Variants in SMIM23 observed in about 807,000 individuals in gnomAD.
The protein encoded by SMIM23 is CTB-78H18.1.
In SMIM23, 10 loss-of-function variants were observed where a neutral mutation model predicts 12.8. The ratio of observed to expected loss-of-function variants is 0.78; its 90% CI spans 0.48 to 1.32. The LOEUF (loss-of-function observed/expected upper bound fraction) is 1.32. Among genes scored for constraint, SMIM23 ranks in the 40% most tolerant of loss-of-function variants. SMIM23 has a pLI of 0.00. For synonymous variants in SMIM23, 78 were observed against 80.1 expected, an observed-to-expected ratio of 0.97 and a Z score of 0.14; for missense variants, 184 against 198.2, an observed-to-expected ratio of 0.93 and a Z score of 0.43.
At chr5:171,781,539 C>A (rs941629035), upstream of SMIM23, among the ~76,000 whole-genome samples, 144 of 72,736 alleles carry the variant, frequency 2.0e-3, 4 homozygotes, top group African/African-American at 6.8e-3. Flanking sequence ...TGAGAAGTGC[C>A]CCCCCCCGTC....
At chr5:171,774,493 T>G in the SMIM23 span, 1 of 456,266 alleles carries the variant, frequency 2.2e-6, no homozygotes, top group Admixed American at 2.3e-5. Context: ...GCACCTCGGA[T>G]GGCCGAGGGG....
chr5:171,778,687 TC>T (rs1581069234), upstream of SMIM23, among the ~76,000 whole-genome samples: 1 of 152,208 alleles, frequency 6.6e-6, no homozygotes, highest in Non-Finnish European at 1.5e-5. Context: ...ACTTATGGTT[TC>T]CAGAACTACA....
chr5:171,784,174 G>A (rs539685121), upstream of SMIM23, among the ~76,000 whole-genome samples: 122 of 152,284 alleles, frequency 8.0e-4, 2 homozygotes, highest in African/African-American at 2.8e-3. Context: ...ACCACAATGA[G>A]ATGTTACTAA....
the SMIM23 span, chr5:171,774,002 G>T: frequency 2.7e-6 from 1 of 371,518 alleles, no homozygotes; most frequent in Non-Finnish European, 5.3e-6. Flanking sequence ...TCTTGTGTGT[G>T]CACTTCGCAG....
chr5:171,775,786 G>A, the SMIM23 span, among the ~76,000 whole-genome samples: 4 of 152,198 alleles, frequency 2.6e-5, no homozygotes, highest in Non-Finnish European at 5.9e-5. Context: ...AGAAAAGGAA[G>A]CCCACGTTAT....
chr5:171,781,537 GCC>G (rs11396589), upstream of SMIM23, among the ~76,000 whole-genome samples: 371 of 148,626 alleles, frequency 2.5e-3, 1 homozygote, highest in African/African-American at 8.3e-3. Flanking sequence ...TCTGAGAAGT[GCC>G]CCCCCCCGTC....
At chr5:171,784,321 C>T (rs543689121), upstream of SMIM23, among the ~76,000 whole-genome samples, 102 of 152,120 alleles carry the variant, frequency 6.7e-4, no homozygotes, top group Admixed American at 4.1e-3. Flanking sequence ...CTGGCTAACA[C>T]GGTGAAATCC....
At position 171,785,982 on chromosome 5, in the gene SMIM23, G is replaced by T. The variant is rs906515341; in HGVS notation, c.105+6G>T. ...ACTGTGATGACGAGAAGCAGGTGAG[G>T]CCAGGCCAGGTACATGCTGCTTTCC... On this transcript the variant is annotated splice_donor_region_variant and intron_variant, in intron 1 of 3. Transcript: ENST00000523047. 3 of 1,534,854 alleles carry T rather than the reference G, an allele frequency of 2.0e-6. No homozygotes were observed. The East Asian group carries it at 7.3e-5, about 38-fold the overall frequency.
the SMIM23 span, among the ~76,000 whole-genome samples, chr5:171,776,171 T>G: frequency 1.4e-3 from 206 of 150,678 alleles, no homozygotes; most frequent in African/African-American, 4.9e-3. Context: ...GTGCCTGGCC[T>G]AAGGCAGGTA....
upstream of SMIM23, chr5:171,785,785 G>A: frequency 9.5e-7 from 1 of 1,049,180 alleles, no homozygotes; most frequent in Non-Finnish European, 1.4e-6. Flanking sequence ...AATGTTTGCA[G>A]GATGCCTGGT....
At chr5:171,774,478 G>C in the SMIM23 span, 1 of 456,278 alleles carries the variant, frequency 2.2e-6, no homozygotes, top group South Asian at 1.5e-5. Flanking sequence ...ATCCCCATGG[G>C]CCTTGCACCT....
chr5:171,776,748 C>T, the SMIM23 span, among the ~76,000 whole-genome samples: 1 of 152,160 alleles, frequency 6.6e-6, no homozygotes, highest in Admixed American at 6.5e-5. Flanking sequence ...GTCTTGGATT[C>T]GGGAGCAAGC....
chr5:171,780,825 G>T (rs1310494676), upstream of SMIM23, among the ~76,000 whole-genome samples: 1 of 151,972 alleles, frequency 6.6e-6, no homozygotes. Flanking sequence ...TCTTTCTCTG[G>T]TCTTGAATCT....
the SMIM23 span, among the ~76,000 whole-genome samples, chr5:171,772,959 A>G: frequency 2.6e-5 from 4 of 152,338 alleles, no homozygotes; most frequent in South Asian, 8.3e-4. Context: ...CAAGAAACCC[A>G]TAAACCAATA....
At chr5:171,787,165 G>A (rs1394016491) in intron 1 of SMIM23, among the ~76,000 whole-genome samples, 4 of 151,622 alleles carry the variant, frequency 2.6e-5, no homozygotes, top group African/African-American at 9.7e-5. Flanking sequence ...GACTACAGGC[G>A]CCCGCCACCA....
At chr5:171,781,617 T>A (rs765732658), upstream of SMIM23, among the ~76,000 whole-genome samples, 16 of 152,068 alleles carry the variant, frequency 1.1e-4, no homozygotes, top group Admixed American at 2.0e-4. Context: ...TTACCTGGTA[T>A]AAGACGACGA....
intron 1 of SMIM23, among the ~76,000 whole-genome samples, chr5:171,789,176 A>G (rs115338668): frequency 1.5e-3 from 221 of 152,384 alleles, no homozygotes; most frequent in African/African-American, 4.3e-3. Context: ...TATAGAGGTA[A>G]GAAATCTCAA....
the SMIM23 span, among the ~76,000 whole-genome samples, chr5:171,776,383 T>C: frequency 6.6e-6 from 1 of 152,052 alleles, no homozygotes; most frequent in Non-Finnish European, 1.5e-5. Flanking sequence ...TTCACGTACA[T>C]CGTCACTCTT....
upstream of SMIM23, chr5:171,782,418 G>A (rs1388595009): frequency 6.6e-6 from 1 of 152,260 alleles, no homozygotes; most frequent in Non-Finnish European, 1.5e-5. Flanking sequence ...GGCAGGGTAT[G>A]TGCCACTGGG....
Sources: allele counts gnomAD v4.1 joint callset (sites outside exome capture counted in the v4.1 genomes callset), GRCh38; gene constraint gnomAD v4.1.1; transcripts MANE v1.5; gene names NCBI Gene and HGNC (gene_info 2026-07-23, HGNC 2026-07-21).